The following RBFOX1 variants were observed in gnomAD, a reference collection of about 807,000 sequenced individuals.
The protein encoded by RBFOX1 is RNA binding fox-1 homolog 1, also known as RNA binding protein fox-1 homolog 1.
Under a neutral mutation model 57.7 loss-of-function variants are expected in RBFOX1, and 8 were observed. The observed-to-expected ratio is 0.14, with a 90% CI of 0.08 to 0.25. The LOEUF (loss-of-function observed/expected upper bound fraction) is 0.25, where lower values mean the gene tolerates loss of function less well. Ranked by LOEUF, RBFOX1 falls within the 10% of genes least tolerant of loss-of-function variation. The pLI, the probability that RBFOX1 is intolerant of heterozygous loss-of-function variation, is 1.00. For synonymous variants in RBFOX1, 326 were observed against 222.4 expected (o/e 1.47, Z -4.15); for missense variants, 611 against 548.5 (o/e 1.11, Z -1.14).
At chr16:7,316,963 A>AAC (rs112548867) in intron 4 of RBFOX1, among the ~76,000 whole-genome samples, 198 of 146,996 alleles carry the variant, frequency 1.3e-3, no homozygotes, top group Middle Eastern at 3.4e-3. Context: ...AAGAAGACAG[A>AAC]ACACACACAC....
chr16:7,211,870 C>A (rs2091210751), intron 4 of RBFOX1, among the ~76,000 whole-genome samples: 1 of 152,114 alleles, frequency 6.6e-6, no homozygotes, highest in East Asian at 1.9e-4. Flanking sequence ...AATATAAATG[C>A]AAGCAAAATA....
intron 1 of RBFOX1, among the ~76,000 whole-genome samples, chr16:5,296,509 A>G (rs1180927652): frequency 5.9e-5 from 9 of 152,090 alleles, no homozygotes; most frequent in Non-Finnish European, 1.2e-4. Context: ...AAAGTCAACG[A>G]GACAAATCCT....
At chr16:7,119,112 G>A (rs1356205564) in intron 4 of RBFOX1, among the ~76,000 whole-genome samples, 1 of 152,152 alleles carries the variant, frequency 6.6e-6, no homozygotes, top group African/African-American at 2.4e-5. Flanking sequence ...ATCTAGGCAA[G>A]TGTTGCAATG....
Position 6,019,925 on chromosome 16 carries a change from G to T in RBFOX1, c.-194G>T, listed in dbSNP as rs1463837504. The T allele has an allele frequency of 7.2e-6, 11 of 1,534,702 alleles. No homozygotes were observed. The Admixed American group carries it at 1.6e-4, about 22-fold the overall frequency. On this transcript the variant is annotated 5_prime_UTR_variant, in exon 1 of 16. Transcript: ENST00000550418. This position sits in a 1 kb window ranked among gnomAD's most constrained non-coding sequence, Gnocchi z 4.2. ...TGGTGAGTGTGGCTGGGGGTGCAGA[G>T]AGCGCACGGGAATTCGGGGGTCTGG...
chr16:6,927,823 C>A (rs371469771), intron 3 of RBFOX1, among the ~76,000 whole-genome samples: 1 of 152,100 alleles, frequency 6.6e-6, no homozygotes, highest in Non-Finnish European at 1.5e-5. Flanking sequence ...AAGCCTAACA[C>A]TGAAGGAAAT....
intron 3 of RBFOX1, among the ~76,000 whole-genome samples, chr16:5,669,426 T>TTG (rs1390588828): frequency 6.7e-6 from 1 of 148,430 alleles, no homozygotes; most frequent in Non-Finnish European, 1.5e-5. Flanking sequence ...AGTTGGCTTT[T>TTG]TTTTTTTTTT....
chr16:6,008,668 G>A (rs905223206), intron 4 of RBFOX1, among the ~76,000 whole-genome samples: 7 of 152,096 alleles, frequency 4.6e-5, no homozygotes, highest in African/African-American at 1.4e-4. Flanking sequence ...TTAACTGTTG[G>A]AAAAAAGAAC....
At chr16:5,995,182 A>G (rs1317134187) in intron 4 of RBFOX1, among the ~76,000 whole-genome samples, 1 of 152,166 alleles carries the variant, frequency 6.6e-6, no homozygotes, top group Non-Finnish European at 1.5e-5. Flanking sequence ...AATATTCCTT[A>G]CCATTATTTT....
chr16:6,583,837 A>T (rs1337922470), intron 2 of RBFOX1, among the ~76,000 whole-genome samples: 1 of 152,200 alleles, frequency 6.6e-6, no homozygotes, highest in African/African-American at 2.4e-5. Flanking sequence ...TTATTTACTC[A>T]TTGAAAAGTA....
intron 3 of RBFOX1, among the ~76,000 whole-genome samples, chr16:7,036,707 A>T (rs1597651835): frequency 7.5e-6 from 1 of 132,868 alleles, no homozygotes; most frequent in East Asian, 2.1e-4. Context: ...ACAAACAAAC[A>T]AACAAAAAAA....
At chr16:6,904,702 A>C (rs987900903) in intron 3 of RBFOX1, among the ~76,000 whole-genome samples, 1 of 150,726 alleles carries the variant, frequency 6.6e-6, no homozygotes, top group African/African-American at 2.4e-5. Context: ...TTTTCCCGTC[A>C]GTTTCTCCTT....
At chr16:6,676,287 G>A (rs968388641) in intron 3 of RBFOX1, among the ~76,000 whole-genome samples, 1 of 152,080 alleles carries the variant, frequency 6.6e-6, no homozygotes, top group African/African-American at 2.4e-5. Flanking sequence ...AGAAAGGTGT[G>A]TGGAGAAAGT....
intron 2 of RBFOX1, among the ~76,000 whole-genome samples, chr16:6,584,448 A>C (rs188089055): frequency 6.6e-6 from 1 of 151,134 alleles, no homozygotes; most frequent in Admixed American, 6.6e-5. Flanking sequence ...GCACACTCCA[A>C]CCTCTGCCTC....
At chr16:7,127,402 A>G (rs536033755) in intron 4 of RBFOX1, among the ~76,000 whole-genome samples, 7 of 152,344 alleles carry the variant, frequency 4.6e-5, no homozygotes, top group Admixed American at 4.6e-4. Context: ...TTATCACCCT[A>G]TGCACTTAGC....
chr16:6,124,982 A>T (rs570096978), intron 1 of RBFOX1, among the ~76,000 whole-genome samples: 206 of 152,276 alleles, frequency 1.4e-3, no homozygotes, highest in African/African-American at 4.6e-3. Context: ...CAAGGCTCCA[A>T]GTTGAGCCAA....
At chr16:6,736,248 G>C (rs746956604) in intron 3 of RBFOX1, among the ~76,000 whole-genome samples, 22 of 152,018 alleles carry the variant, frequency 1.4e-4, no homozygotes, top group Non-Finnish European at 2.6e-4. Context: ...GTTCTTTAGT[G>C]GTGATTTGTG....
chr16:6,535,848 C>G (rs1302656721), intron 2 of RBFOX1, among the ~76,000 whole-genome samples: 2 of 152,170 alleles, frequency 1.3e-5, no homozygotes, highest in African/African-American at 2.4e-5. Context: ...TTCTCTTTTT[C>G]TCAATAGTGG....
chr16:5,599,628 C>G (rs894923102), exon 3 of RBFOX1: 5 of 193,888 alleles, frequency 2.6e-5, no homozygotes, highest in Non-Finnish European at 4.2e-5. Flanking sequence ...GGCACACAGA[C>G]TGTTGCTGTT....
At chr16:7,177,379 G>T (rs1291292513) in intron 4 of RBFOX1, among the ~76,000 whole-genome samples, 1 of 152,094 alleles carries the variant, frequency 6.6e-6, no homozygotes, top group Non-Finnish European at 1.5e-5. Flanking sequence ...AATGATAAAT[G>T]CTGGAGGTGA....
Sources: allele counts gnomAD v4.1 joint callset (sites outside exome capture counted in the v4.1 genomes callset), GRCh38; gene constraint gnomAD v4.1.1; non-coding constraint Gnocchi (gnomAD v3.1); transcripts MANE v1.5; gene names NCBI Gene and HGNC (gene_info 2026-07-23, HGNC 2026-07-21).